The following GNAQ variants were observed in gnomAD, a reference collection of about 807,000 sequenced individuals.
GNAQ encodes guanine nucleotide-binding protein G(q) subunit alpha.
A neutral mutation model predicts 43.9 loss-of-function variants in GNAQ; 8 were observed. The ratio of observed to expected loss-of-function variants is 0.18; its 90% CI spans 0.11 to 0.33. GNAQ has a LOEUF of 0.33. GNAQ is among the 10% of genes least tolerant of loss of function. The pLI, the probability that GNAQ is intolerant of heterozygous loss-of-function variation, is 1.00. For synonymous variants in GNAQ, 155 were observed against 170.7 expected (o/e 0.91, Z 0.71); for missense variants, 158 against 450.8 (o/e 0.35, Z 5.88).
chr9:78,025,570 C>A (rs967939726), intron 1 of GNAQ, among the ~76,000 whole-genome samples: 1 of 152,158 alleles, frequency 6.6e-6, no homozygotes, highest in African/African-American at 2.4e-5. Flanking sequence ...CCCGTTCCAA[C>A]CAGGAAATTT....
At chr9:77,731,685 G>T (rs965171559) in intron 5 of GNAQ, among the ~76,000 whole-genome samples, 15 of 152,122 alleles carry the variant, frequency 9.9e-5, no homozygotes, top group African/African-American at 3.6e-4. Flanking sequence ...AATCACATGG[G>T]GTCGTCTTAA....
At chr9:77,761,165 G>C (rs1417740947) in intron 5 of GNAQ, among the ~76,000 whole-genome samples, 1 of 142,870 alleles carries the variant, frequency 7.0e-6, no homozygotes, top group Non-Finnish European at 1.6e-5. Context: ...GAGGGAGGTG[G>C]GGGGGTCAGC....
rs549846667 is a variant in GNAQ, at chr9:77,807,443, A to T, written c.476+8173T>A. Among the ~76,000 whole-genome samples, 3 of 152,332 alleles carry T rather than the reference A, an allele frequency of 2.0e-5. No homozygotes were observed. The East Asian group carries it at 5.8e-4, about 29-fold the overall frequency. On this transcript the variant is annotated intron_variant, in intron 3 of 6. Coordinates refer to ENST00000286548, the MANE Select transcript of GNAQ (RefSeq NM_002072.5). ...ACCAGACACTATGAGTCAAGCTCAC[A>T]TGACACATAATCCTTGCACTCAGAA... is the stretch of plus-strand genomic sequence containing the variant.
At chr9:77,951,348 T>C (rs1822976039) in intron 1 of GNAQ, among the ~76,000 whole-genome samples, 1 of 152,160 alleles carries the variant, frequency 6.6e-6, no homozygotes, top group East Asian at 1.9e-4. Context: ...TCTGCCCGCC[T>C]TGGCCTCCCA....
chr9:77,820,888 G>A lies in GNAQ; in HGVS notation c.322-5118C>T, dbSNP rs1827103273. Among the ~76,000 whole-genome samples the A allele has an allele frequency of 2.0e-5, 3 of 152,144 alleles. No individual in the cohort carries two copies. In the South Asian group the frequency reaches 6.2e-4, roughly 31 times the overall value. ...ATTTGTTGTAGGGCTGTTAGGAAAA[G>A]TAAAAGAGATGTTTCTAAAATGCCT... On this transcript the variant is annotated intron_variant, in intron 2 of 6. Coordinates refer to ENST00000286548, the MANE Select transcript of GNAQ (RefSeq NM_002072.5).
At chr9:77,810,989 C>T (rs898908587) in intron 3 of GNAQ, among the ~76,000 whole-genome samples, 1 of 152,124 alleles carries the variant, frequency 6.6e-6, no homozygotes, top group African/African-American at 2.4e-5. Flanking sequence ...TTGGCCTCTG[C>T]TCCCAGTATT....
intron 3 of GNAQ, 75 bp downstream of exon 3, chr9:77,815,531 CAGAATAAAGA>C: frequency 1.2e-6 from 1 of 853,502 alleles, no homozygotes; most frequent in Non-Finnish European, 1.9e-6. Flanking sequence ...ATATACAGGA[CAGAATAAAGA>C]AGTTATGATA....
intron 2 of GNAQ, among the ~76,000 whole-genome samples, chr9:77,835,116 C>T (rs1220106307): frequency 1.3e-5 from 2 of 152,052 alleles, no homozygotes; most frequent in South Asian, 2.1e-4. Flanking sequence ...CTGATTCACA[C>T]CCTGGGCAGG....
At chr9:77,788,363 A>G (rs1826517447) in intron 5 of GNAQ, among the ~76,000 whole-genome samples, 1 of 152,228 alleles carries the variant, frequency 6.6e-6, no homozygotes, top group Non-Finnish European at 1.5e-5. Context: ...GCAACATGAA[A>G]AAAAATCTCA....
At chr9:77,854,247 A>T (rs972580240) in intron 2 of GNAQ, among the ~76,000 whole-genome samples, 5 of 152,202 alleles carry the variant, frequency 3.3e-5, no homozygotes, top group African/African-American at 1.2e-4. Context: ...TTAAAGATAC[A>T]ATGGCTAAAG....
chr9:77,881,215 T>C lies in GNAQ; in HGVS notation c.321+40946A>G, dbSNP rs542198246. Among the ~76,000 whole-genome samples the C allele has an allele frequency of 3.3e-5, 5 of 152,260 alleles. No homozygotes were observed. The South Asian group carries it at 1.0e-3, about 32-fold the overall frequency. On this transcript the variant is annotated intron_variant, in intron 2 of 6. Transcript: ENST00000286548. ...GCCGCACCCCCCCCAAAACGGGCAA[T>C]ATATTCACACCTACACAGACACACA...
chr9:77,894,000 G>A (rs1050507087), intron 2 of GNAQ, among the ~76,000 whole-genome samples: 4 of 151,940 alleles, frequency 2.6e-5, no homozygotes, highest in African/African-American at 9.7e-5. Context: ...GAATGGCTCC[G>A]GCATACCAGG....
chr9:77,775,554 C>T (rs577540150), intron 5 of GNAQ, among the ~76,000 whole-genome samples: 179 of 152,030 alleles, frequency 1.2e-3, no homozygotes, highest in Middle Eastern at 6.8e-3. Context: ...GGACTATAGG[C>T]GCCCGCCACC....
At chr9:78,027,751 C>CA (rs34880934) in intron 1 of GNAQ, among the ~76,000 whole-genome samples, 87 of 115,430 alleles carry the variant, frequency 7.5e-4, no homozygotes, top group Middle Eastern at 4.8e-3. Context: ...AACTCCATCT[C>CA]AAAAAAAAAA....
At chr9:77,779,493 A>G (rs892942903) in intron 5 of GNAQ, among the ~76,000 whole-genome samples, 6 of 151,780 alleles carry the variant, frequency 4.0e-5, no homozygotes, top group Admixed American at 2.6e-4. Flanking sequence ...TTTCCACCTC[A>G]GGAAACTAGA....
intron 1 of GNAQ, among the ~76,000 whole-genome samples, chr9:78,023,914 T>C: frequency 6.6e-6 from 1 of 152,176 alleles, no homozygotes; most frequent in Non-Finnish European, 1.5e-5. Flanking sequence ...CAATTATGTG[T>C]GTATAAACAC....
At chr9:77,726,074 T>C (rs927070303) in intron 6 of GNAQ, among the ~76,000 whole-genome samples, 3 of 152,166 alleles carry the variant, frequency 2.0e-5, no homozygotes, top group Admixed American at 2.0e-4. Flanking sequence ...GTTTCATGCC[T>C]ACTGTATTCA....
At chr9:77,973,786 C>A (rs1319846680) in intron 1 of GNAQ, among the ~76,000 whole-genome samples, 1 of 152,034 alleles carries the variant, frequency 6.6e-6, no homozygotes, top group East Asian at 1.9e-4. Flanking sequence ...CCACTGCACT[C>A]CAGCCTGGGC....
At chr9:77,986,254 A>T (rs1471310280) in intron 1 of GNAQ, among the ~76,000 whole-genome samples, 1 of 152,230 alleles carries the variant, frequency 6.6e-6, no homozygotes, top group Non-Finnish European at 1.5e-5. Flanking sequence ...CAACACTATT[A>T]GCCTAACAGA....
Sources: allele counts gnomAD v4.1 joint callset (sites outside exome capture counted in the v4.1 genomes callset), GRCh38; gene constraint gnomAD v4.1.1; transcripts MANE v1.5; gene names NCBI Gene and HGNC (gene_info 2026-07-23, HGNC 2026-07-21).